DLEC1: variants seen among roughly 807,000 people sequenced by gnomAD.
DLEC1 encodes the protein deleted in lung and esophageal cancer protein 1.
DLEC1 carries 146 observed loss-of-function variants against 198.1 expected under a neutral mutation model. The ratio of observed to expected loss-of-function variants is 0.74; its 90% CI spans 0.64 to 0.85. The LOEUF is 0.85. Among genes scored for constraint, DLEC1 ranks in the 40% least tolerant of loss-of-function variants. The pLI is 0.00. For synonymous variants in DLEC1, 897 were observed against 866.8 expected (o/e 1.03, Z -0.61); for missense variants, 2,233 against 2,220.0 (o/e 1.01, Z -0.12).
rs201980264 is a variant in DLEC1 at position 38,045,592 on chromosome 3, G to A, written c.461G>A (p.Arg154Lys). 169 of 1,614,134 alleles carry A rather than the reference G, an allele frequency of 1.0e-4. No individual in the cohort carries two copies. The highest frequency in any genetic ancestry group is 1.3e-4 in the Non-Finnish European group (150 of 1,180,016). The change falls in exon 2 of 37, where the codon AGA (arginine) becomes AAA (lysine). Residue 154 changes from arginine (R) to lysine (K), a missense_variant. Arg to Lys is a conservative substitution (Grantham distance 26). Transcript: ENST00000308059. ...CTGGATGAGTTTGAAATGTTGGAGA[G>A]ACATATCACTCAGGCCCAAGCACGG... ...QRLDEFEMLE[R>K]HITQAQARAI...
At position 38,039,478 on chromosome 3, in the gene DLEC1, T is replaced by A; in HGVS notation, c.253T>A (p.Ser85Thr). ...PEPQLLRLRP[S>T]SLRTQDISHL... Reference sequence around the variant, plus strand: ...GCCTCAGCTGCTTCGTCTGCGCCCCTCCTCGCTGCGCACCCAAGATATCTC... The same window carrying A: ...GCCTCAGCTGCTTCGTCTGCGCCCCACCTCGCTGCGCACCCAAGATATCTC... The change falls in exon 1 of 37, where the codon TCC (serine) becomes ACC (threonine). Residue 85 changes from serine (S) to threonine (T), a missense_variant. Transcript: ENST00000308059. 4 of 1,614,006 alleles carry A rather than the reference T, an allele frequency of 2.5e-6. No homozygotes were observed. The highest frequency in any genetic ancestry group is 3.4e-6 in the Non-Finnish European group (4 of 1,179,874).
intron 18 of DLEC1, 104 bp from the exon 19 acceptor site, chr3:38,100,182 T>C: frequency 7.1e-7 from 1 of 1,404,454 alleles, no homozygotes; most frequent in Non-Finnish European, 9.4e-7. Flanking sequence ...TTGGAAGAGC[T>C]GGGGCAGCTT....
At chr3:38,116,359 G>T in intron 27 of DLEC1, 94 bp from the exon 28 acceptor site, 1 of 1,230,622 alleles carries the variant, frequency 8.1e-7, no homozygotes, top group Admixed American at 2.0e-5. Flanking sequence ...TGGGAGAATA[G>T]GTCATCTCTG....
At chr3:38,117,725 C>CA in intron 32 of DLEC1, 81 bp from the exon 33 acceptor site, 3 of 1,590,490 alleles carry the variant, frequency 1.9e-6, no homozygotes, top group Non-Finnish European at 2.6e-6. Flanking sequence ...TCCCCCAGCC[C>CA]TCCCAGCCCT....
intron 2 of DLEC1, among the ~76,000 whole-genome samples, chr3:38,057,260 G>A (rs1006530753): frequency 6.6e-6 from 1 of 152,248 alleles, no homozygotes; most frequent in Non-Finnish European, 1.5e-5. Context: ...GGAGGCCAAG[G>A]CGGGCAGATC....
At chr3:38,074,861 C>T (rs905594358) in intron 6 of DLEC1, among the ~76,000 whole-genome samples, 16 of 152,190 alleles carry the variant, frequency 1.1e-4, no homozygotes, top group African/African-American at 1.9e-4. Flanking sequence ...AGAGCCTAAA[C>T]GCTGACTGAT....
chr3:38,117,263 C>G lies in DLEC1; in HGVS notation c.4361C>G (p.Pro1454Arg), dbSNP rs977286202. The G allele has an allele frequency of 4.3e-6, 7 of 1,614,132 alleles. No individual in the cohort carries two copies. Among genetic ancestry groups the G allele is most frequent in the Non-Finnish European group, 5.9e-6 (7 of 1,179,990 alleles). ...CGCCTGCAGGACTTTGCGGTGGGAC[C>G]CCTGAAACTGGACCTGCATAGCTAC... ...RHRLQDFAVG[P>R]LKLDLHSYVR... is the part of the protein sequence containing the mutation. The change falls in exon 31 of 37, where the codon CCC (proline) becomes CGC (arginine). Residue 1454 changes from proline (P) to arginine (R), a missense_variant. Pro to Arg is a moderately radical substitution (Grantham distance 103, BLOSUM62 -2). Transcript: ENST00000308059.
chr3:38,109,937 G>A, intron 22 of DLEC1, 162 bp from the exon 23 acceptor site: 3 of 791,572 alleles, frequency 3.8e-6, no homozygotes, highest in East Asian at 2.7e-5. Context: ...TCATGGGTGG[G>A]CAGGAAAGGT....
At chr3:38,073,928 C>T (rs188850428) in intron 6 of DLEC1, among the ~76,000 whole-genome samples, 55 of 152,186 alleles carry the variant, frequency 3.6e-4, no homozygotes, top group Non-Finnish European at 5.7e-4. Context: ...AATCTTCAGT[C>T]GCTAAGCTGA....
chr3:38,107,169 T>A (rs1470927846), intron 19 of DLEC1, among the ~76,000 whole-genome samples: 1 of 151,972 alleles, frequency 6.6e-6, no homozygotes, highest in East Asian at 1.9e-4. Flanking sequence ...GTTCTCATGG[T>A]GAAAACTGGA....
chr3:38,079,323 T>G (rs377595743), intron 6 of DLEC1, among the ~76,000 whole-genome samples: 53 of 152,132 alleles, frequency 3.5e-4, no homozygotes, highest in Middle Eastern at 3.4e-3. Flanking sequence ...GCACCAGAGT[T>G]GGGGAGTTTT....
At chr3:38,060,822 G>T (rs967447543) in intron 3 of DLEC1, among the ~76,000 whole-genome samples, 24 of 151,912 alleles carry the variant, frequency 1.6e-4, no homozygotes, top group African/African-American at 5.8e-4. Flanking sequence ...AGCCTCCCAA[G>T]TAGCTGGGAT....
intron 10 of DLEC1, among the ~76,000 whole-genome samples, chr3:38,088,953 G>C (rs745314456): frequency 6.6e-6 from 1 of 152,090 alleles, no homozygotes; most frequent in Non-Finnish European, 1.5e-5. Flanking sequence ...CTGGTCCCCA[G>C]AGGTGCCCAT....
chr3:38,079,641 G>A (rs934658823), intron 6 of DLEC1, among the ~76,000 whole-genome samples: 2 of 152,206 alleles, frequency 1.3e-5, no homozygotes, highest in Non-Finnish European at 2.9e-5. Flanking sequence ...TGGACAGTCC[G>A]ATTTCCAGTG....
rs1699740222 is a variant in DLEC1, at chr3:38,109,376, G to A, written c.3130-56G>A. 2.5e-6 allele frequency: 4 copies of A among 1,606,812 alleles called. No individual in the cohort carries two copies. In the South Asian group the frequency reaches 4.4e-5, roughly 18 times the overall value. On this transcript the variant is annotated intron_variant, in intron 21 of 36. Transcript: ENST00000308059. ...CCCCTGTGCTGCGGAAGACCATCTG[G>A]GCTCATCTTCAGAGGCCCCAGGCCT... is the stretch of plus-strand genomic sequence containing the variant.
intron 2 of DLEC1, chr3:38,052,346 A>C (rs748175457): frequency 1.4e-5 from 5 of 347,086 alleles, no homozygotes; most frequent in Non-Finnish European, 2.9e-5. Flanking sequence ...TGCTTTCTCT[A>C]TGAGAATGAC....
At chr3:38,105,943 A>G (rs1271372589) in intron 19 of DLEC1, among the ~76,000 whole-genome samples, 1 of 152,140 alleles carries the variant, frequency 6.6e-6, no homozygotes, top group Non-Finnish European at 1.5e-5. Context: ...ACTTTTTAAA[A>G]AGTTATTTTC....
chr3:38,118,485 G>T (rs1330645111), intron 33 of DLEC1, among the ~76,000 whole-genome samples: 1 of 152,172 alleles, frequency 6.6e-6, no homozygotes, highest in African/African-American at 2.4e-5. Context: ...TTCCTCTTCT[G>T]ACTTATTCTC....
chr3:38,100,181 C>G, intron 18 of DLEC1, 105 bp from the exon 19 acceptor site: 1 of 1,397,990 alleles, frequency 7.2e-7, no homozygotes, highest in Non-Finnish European at 9.5e-7. Flanking sequence ...CTTGGAAGAG[C>G]TGGGGCAGCT....
Sources: gnomAD v4.1 joint callset for allele counts (sites outside exome capture counted in the v4.1 genomes callset) on GRCh38, gnomAD v4.1.1 for gene constraint, MANE v1.5 for transcripts, NCBI Gene and HGNC (gene_info 2026-07-23, HGNC 2026-07-21) for gene names.